The following DPY30 variants were observed in gnomAD, a reference collection of about 807,000 sequenced individuals.
DPY30 encodes the protein dpy-30 histone methyltransferase complex regulatory subunit, also known as protein dpy-30 homolog.
DPY30 carries 6 observed loss-of-function variants against 16.2 expected under a neutral mutation model. The observed-to-expected ratio is 0.37, with a 90% CI of 0.20 to 0.73. The LOEUF is 0.73. Ranked by LOEUF, DPY30 falls within the 30% of genes least tolerant of loss-of-function variation. DPY30 has a pLI of 0.51. For missense variants in DPY30, 73 were observed against 113.1 expected, an observed-to-expected ratio of 0.65 and a Z score of 1.61; for synonymous variants, 39 against 38.8, an observed-to-expected ratio of 1.00 and a Z score of -0.02.
chr2:32,025,327 G>A (rs1006988477), intron 4 of DPY30, among the ~76,000 whole-genome samples: 2 of 152,066 alleles, frequency 1.3e-5, no homozygotes, highest in Non-Finnish European at 2.9e-5. Flanking sequence ...GCCGGTCATG[G>A]CAGTGCGCAC....
chr2:32,039,271 C>G lies in DPY30; in HGVS notation c.84+8G>C. On this transcript the variant is annotated splice_region_variant and intron_variant, in intron 3 of 4. Coordinates refer to ENST00000342166, the MANE Select transcript of DPY30 (RefSeq NM_001321209.2). ...ACACAGATGAGGCATAGGAACTTGG[C>G]GAGTTACCTCAACGTTGTCTGTGAG... The G allele has an allele frequency of 6.2e-7, 1 of 1,614,180 alleles. No homozygotes were observed. Among genetic ancestry groups the G allele is most frequent in the African/African-American group, 1.3e-5 (1 of 75,040 alleles).
chr2:32,022,767 C>T (rs954219479), downstream of DPY30, among the ~76,000 whole-genome samples: 2 of 151,966 alleles, frequency 1.3e-5, no homozygotes, highest in African/African-American at 2.4e-5. Context: ...CCACCTGCCT[C>T]GGCCTCCCAA....
intron 5 of DPY30, among the ~76,000 whole-genome samples, chr2:32,015,965 C>T (rs545340900): frequency 1.3e-5 from 2 of 152,152 alleles, no homozygotes; most frequent in Non-Finnish European, 2.9e-5. Flanking sequence ...TCTCGGCTCA[C>T]TGCAGCCTCC....
At chr2:32,018,554 C>T (rs1427120697) in intron 5 of DPY30, among the ~76,000 whole-genome samples, 7 of 152,062 alleles carry the variant, frequency 4.6e-5, no homozygotes, top group Middle Eastern at 6.3e-3. Context: ...GGTGAAACAC[C>T]GTCTCTGCTT....
intron 3 of DPY30, among the ~76,000 whole-genome samples, chr2:32,031,289 G>A (rs773446370): frequency 2.6e-5 from 4 of 151,842 alleles, no homozygotes; most frequent in Admixed American, 6.6e-5. Flanking sequence ...GCGTGGTAGT[G>A]CACACCTGTA....
At chr2:32,030,629 CA>C (rs35489420) in intron 3 of DPY30, among the ~76,000 whole-genome samples, 5,019 of 72,308 alleles carry the variant, frequency 0.069, 132 homozygotes, top group African/African-American at 0.16. Context: ...GACTCAGTCT[CA>C]AAAAAAAAAA....
intron 3 of DPY30, among the ~76,000 whole-genome samples, chr2:32,036,897 C>T (rs1047024109): frequency 6.6e-6 from 1 of 151,880 alleles, no homozygotes; most frequent in South Asian, 2.1e-4. Context: ...TACACCAAGA[C>T]ACGCCACAAC....
At chr2:32,013,209 AT>A (rs1253614671) in intron 5 of DPY30, 4 of 152,178 alleles carry the variant, frequency 2.6e-5, no homozygotes, top group African/African-American at 7.2e-5. Flanking sequence ...CTTTATAAAT[AT>A]TTGTTCTTAT....
Position 32,039,792 on chromosome 2 carries a change from A to G in DPY30, c.-96T>C, listed in dbSNP as rs1017361451. 2.6e-6 allele frequency: 1 copy of G among 382,022 alleles called. No individual in the cohort carries two copies. Among genetic ancestry groups the G allele is most frequent in the African/African-American group, 2.0e-5 (1 of 49,576 alleles). The allele number at this position is 382,022 out of a possible 1,614,324, so 23.7% of individuals were successfully genotyped here. ...ACCGCGCCACCAGCTCCCAGCACAA[A>G]CAGCTCCGGCCGTAAGTGACGGCTG... On this transcript the variant is annotated 5_prime_UTR_variant, in exon 1 of 5. Coordinates refer to ENST00000342166, the MANE Select transcript of DPY30 (RefSeq NM_001321209.2).
At chr2:32,026,937 T>A (rs962254301) in intron 4 of DPY30, among the ~76,000 whole-genome samples, 1 of 149,928 alleles carries the variant, frequency 6.7e-6, no homozygotes, top group Non-Finnish European at 1.5e-5. Flanking sequence ...TTTTTTTTTT[T>A]AAGACTACTC....
chr2:32,033,897 T>C (rs1344500469), intron 3 of DPY30, among the ~76,000 whole-genome samples: 2 of 151,984 alleles, frequency 1.3e-5, no homozygotes, highest in African/African-American at 4.8e-5. Context: ...TGTAGAACAG[T>C]GATCACAAAA....
chr2:32,023,825 C>T (rs1467259227), downstream of DPY30: 3 of 1,304,822 alleles, frequency 2.3e-6, no homozygotes, highest in Middle Eastern at 2.1e-4. Context: ...CATTTGAAGA[C>T]AGAAGAAAAA....
At chr2:32,032,263 T>G (rs1384759024) in intron 3 of DPY30, among the ~76,000 whole-genome samples, 1 of 152,254 alleles carries the variant, frequency 6.6e-6, no homozygotes, top group Non-Finnish European at 1.5e-5. Flanking sequence ...TATTTGTCCA[T>G]GGACTGAAAA....
Position 32,029,650 on chromosome 2 carries a change from C to T in DPY30, c.171G>A (p.Leu57=). Residue 57 remains leucine, a synonymous_variant, in exon 4 of 5, where the codon CTG becomes CTA. Coordinates refer to ENST00000342166, the MANE Select transcript of DPY30 (RefSeq NM_001321209.2). ...DLQSLPTRAY[L]DQTVVPILLQ... ...ATAAGATAGGCACAACTGTCTGATC[C>T]AGGTAGGCACGAGTTGGCAAAGACT... The T allele has an allele frequency of 1.2e-6, 2 of 1,613,944 alleles. No homozygotes were observed. The highest frequency in any genetic ancestry group is 1.7e-6 in the Non-Finnish European group (2 of 1,179,994).
chr2:32,012,419 C>CTTTTTTTTTTT lies in DPY30; in HGVS notation n.378-378_378-368dup, dbSNP rs397984233. 8.6e-4 allele frequency among the ~76,000 whole-genome samples: 70 copies of CTTTTTTTTTTT among 81,696 alleles called. 2 individuals are homozygous for CTTTTTTTTTTT. The highest frequency in any genetic ancestry group is 1.3e-3 in the Non-Finnish European group (55 of 41,486). 53.6% of individuals were successfully genotyped at this position (81,696 alleles called of 152,430 possible). A position where few individuals can be genotyped will look rare whatever the true frequency, so the allele number is the denominator to read the frequency against. ...TGTATCCAAAACCTCTCTCTTTTTT[C>CTTTTTTTTTTT]TTTTTTTTTTTTTTTTTTTTTTTTT... On this transcript the variant is annotated intron_variant and non_coding_transcript_variant, in intron 5 of 5. Transcript: ENST00000414013.
intron 5 of DPY30, among the ~76,000 whole-genome samples, chr2:32,018,535 A>G (rs1416928476): frequency 6.6e-6 from 1 of 152,124 alleles, no homozygotes; most frequent in Non-Finnish European, 1.5e-5. Context: ...AGACCATCCT[A>G]GCTAACATGG....
chr2:32,026,436 T>G (rs2148658405), intron 4 of DPY30, among the ~76,000 whole-genome samples: 1 of 152,028 alleles, frequency 6.6e-6, no homozygotes, highest in South Asian at 2.1e-4. Context: ...AAAAAAATTT[T>G]TTAAATGTAT....
chr2:32,035,506 C>T (rs974219556), intron 3 of DPY30, among the ~76,000 whole-genome samples: 1 of 151,596 alleles, frequency 6.6e-6, no homozygotes, highest in African/African-American at 2.4e-5. Flanking sequence ...AGGGGAATCA[C>T]TTGAACCCAG....
intron 4 of DPY30, among the ~76,000 whole-genome samples, chr2:32,029,164 C>T (rs768064860): frequency 2.6e-5 from 4 of 151,806 alleles, no homozygotes; most frequent in Non-Finnish European, 5.9e-5. Flanking sequence ...CCCAGCTACC[C>T]GGGAGGCTGA....
Sources: gnomAD v4.1 joint callset for allele counts (sites outside exome capture counted in the v4.1 genomes callset) on GRCh38, gnomAD v4.1.1 for gene constraint, MANE v1.5 for transcripts, NCBI Gene and HGNC (gene_info 2026-07-23, HGNC 2026-07-21) for gene names.